Variants in TSHZ3 observed in about 807,000 individuals in gnomAD.
TSHZ3 encodes the protein teashirt homolog 3.
Under a neutral mutation model 64.5 loss-of-function variants are expected in TSHZ3, and 10 were observed. The ratio of observed to expected loss-of-function variants is 0.16; its 90% CI spans 0.10 to 0.26. TSHZ3 has a LOEUF of 0.26. TSHZ3 is among the 10% of genes least tolerant of loss of function. TSHZ3 has a pLI of 1.00. For synonymous variants in TSHZ3, 608 were observed against 593.1 expected, an observed-to-expected ratio of 1.03 and a Z score of -0.36; for missense variants, 1,242 against 1,421.7, an observed-to-expected ratio of 0.87 and a Z score of 2.03.
In TSHZ3 at chr19:31,234,462, T is replaced by C. The variant is rs917537597; in HGVS notation, n.551-6322A>G. ...AACATCTTTGTCTTATTCCCAGTCT[T>C]AGGGGGAAAGCATTCTGGCTTTAAC... On this transcript the variant is annotated intron_variant and non_coding_transcript_variant, in intron 3 of 6. Transcript: ENST00000651361. 2.0e-5 allele frequency among the ~76,000 whole-genome samples: 3 copies of C among 152,204 alleles called. No homozygotes were observed. In the East Asian group the frequency reaches 5.8e-4, roughly 29 times the overall value.
At chr19:31,235,448 CCTGT>C (rs942210866) in intron 3 of TSHZ3, among the ~76,000 whole-genome samples, 3 of 151,898 alleles carry the variant, frequency 2.0e-5, no homozygotes, top group African/African-American at 7.3e-5. Context: ...GCAGTATCTG[CCTGT>C]CTGTCTCTAC....
intron 5 of TSHZ3, among the ~76,000 whole-genome samples, chr19:31,187,465 A>G (rs1974829209): frequency 6.6e-6 from 1 of 151,598 alleles, no homozygotes; most frequent in Non-Finnish European, 1.5e-5. Flanking sequence ...TTTCTCTGTT[A>G]TGGTTTGCAG....
chr19:31,204,387 C>T (rs1180388662), intron 5 of TSHZ3, among the ~76,000 whole-genome samples: 2 of 151,536 alleles, frequency 1.3e-5, no homozygotes, highest in East Asian at 3.9e-4. Context: ...CCCTTCCCTT[C>T]CTTCCTTGGT....
Position 31,278,828 on chromosome 19 carries a change from T to G in TSHZ3, c.965A>C (p.Lys322Thr), listed in dbSNP as rs146913156. The G allele has an allele frequency of 3.7e-6, 6 of 1,614,066 alleles. No individual in the cohort carries two copies. Among genetic ancestry groups the G allele is most frequent in the Non-Finnish European group, 4.2e-6 (5 of 1,180,042 alleles). ...VAAKIIPATR[K>T]KASLELELPS... ...GAGCTCCAGCTCCAGGGAAGCTTTC[T>G]TCCGAGTGGCAGGGATGATTTTGGC... The change falls in exon 2 of 2, where the codon AAG becomes ACG. Residue 322 changes from lysine (K) to threonine (T), a missense_variant. Lys to Thr is a moderately conservative substitution (Grantham distance 78). Around this residue, in one of 4 missense-constraint regions of TSHZ3, gnomAD observed 555 missense variants for 704.0 expected, o/e 0.79. Coordinates refer to ENST00000240587, the MANE Select transcript of TSHZ3 (RefSeq NM_020856.4). This position sits in a 1 kb window ranked among gnomAD's most constrained non-coding sequence, Gnocchi z 4.7.
intron 1 of TSHZ3, among the ~76,000 whole-genome samples, chr19:31,256,265 T>A (rs1419978353): frequency 6.6e-6 from 1 of 152,134 alleles, no homozygotes; most frequent in African/African-American, 2.4e-5. Context: ...GTCTTCCCTG[T>A]CTAGTGAAGA....
intron 5 of TSHZ3, among the ~76,000 whole-genome samples, chr19:31,190,604 T>C (rs1432785771): frequency 6.6e-6 from 1 of 151,934 alleles, no homozygotes; most frequent in East Asian, 1.9e-4. Context: ...GCAAAATATA[T>C]TCTCAACTAT....
chr19:31,198,562 A>G (rs1006218820), intron 5 of TSHZ3, among the ~76,000 whole-genome samples: 2 of 152,188 alleles, frequency 1.3e-5, no homozygotes, highest in East Asian at 3.8e-4. Flanking sequence ...TCCTGATACT[A>G]ATAAATAATT....
In TSHZ3 at chr19:31,279,551, G is replaced by T. The variant is rs751946184; in HGVS notation, c.242C>A (p.Thr81Asn). 4.2e-5 allele frequency: 67 copies of T among 1,610,204 alleles called. No individual in the cohort carries two copies. Among genetic ancestry groups the T allele is most frequent in the Middle Eastern group, 3.3e-4 (2 of 6,066 alleles). ...TTCAAAGTCAGCCATTCGGTCACTG[G>T]TCTCACTGATGTGTGACTCGCTGTC... Reference protein sequence around the residue: ...EMDSESHISETSDRMADFESG... With the variant: ...EMDSESHISENSDRMADFESG... Residue 81 changes from threonine to asparagine, a missense_variant, in exon 2 of 2, where the codon ACC becomes AAC. Physicochemically the swap from Thr to Asn is moderately conservative, Grantham distance 65. Coordinates refer to ENST00000240587, the MANE Select transcript of TSHZ3 (RefSeq NM_020856.4). The surrounding 1 kb of genome is among the most constrained non-coding windows in gnomAD (Gnocchi z 6.4).
chr19:31,273,164 C>T (rs573346260), downstream of TSHZ3, among the ~76,000 whole-genome samples: 2 of 152,078 alleles, frequency 1.3e-5, no homozygotes, highest in Admixed American at 6.6e-5. Context: ...AGGGGGAGAC[C>T]GTAACAAACC....
downstream of TSHZ3, among the ~76,000 whole-genome samples, chr19:31,273,871 T>A (rs1976180824): frequency 6.6e-6 from 1 of 152,206 alleles, no homozygotes; most frequent in African/African-American, 2.4e-5. Flanking sequence ...CTTTCTTCCC[T>A]GCCTGGCCGT....
At chr19:31,170,458 T>TG (rs560977368) in intron 5 of TSHZ3, among the ~76,000 whole-genome samples, 72 of 152,214 alleles carry the variant, frequency 4.7e-4, no homozygotes, top group African/African-American at 1.6e-3. Flanking sequence ...TTTGGGGGTT[T>TG]GGGGGGACCT....
At chr19:31,339,093 C>T (rs1331872090) in intron 1 of TSHZ3, among the ~76,000 whole-genome samples, 8 of 152,122 alleles carry the variant, frequency 5.3e-5, no homozygotes, top group Middle Eastern at 6.8e-3. Context: ...TTCAATAACG[C>T]ACGTTTGAAT....
chr19:31,304,539 T>C (rs1309967221), intron 1 of TSHZ3, among the ~76,000 whole-genome samples: 3 of 152,214 alleles, frequency 2.0e-5, no homozygotes, highest in Non-Finnish European at 4.4e-5. Context: ...GTTTTTAAAA[T>C]ATCAAAACCT....
intron 6 of TSHZ3, among the ~76,000 whole-genome samples, chr19:31,155,765 C>G (rs1974299087): frequency 1.3e-5 from 2 of 152,174 alleles, no homozygotes; most frequent in Non-Finnish European, 2.9e-5. Context: ...TACCTGTTTC[C>G]ACCTGAGGTT....
At chr19:31,285,647 G>C (rs1976446463) in intron 1 of TSHZ3, among the ~76,000 whole-genome samples, 2 of 151,694 alleles carry the variant, frequency 1.3e-5, no homozygotes, top group South Asian at 4.2e-4. Flanking sequence ...AGCCAGGCAT[G>C]GTGGCGGGTA....
At chr19:31,311,659 T>C (rs1053042260) in intron 1 of TSHZ3, among the ~76,000 whole-genome samples, 1 of 152,174 alleles carries the variant, frequency 6.6e-6, no homozygotes, top group African/African-American at 2.4e-5. Flanking sequence ...GACTGGAAGA[T>C]GAGAATCCCG....
intron 1 of TSHZ3, among the ~76,000 whole-genome samples, chr19:31,263,021 C>A (rs1045600534): frequency 2.0e-5 from 3 of 152,168 alleles, no homozygotes; most frequent in Non-Finnish European, 4.4e-5. Flanking sequence ...CCCCCTTTGT[C>A]CATTCCTCAG....
intron 3 of TSHZ3, among the ~76,000 whole-genome samples, chr19:31,240,330 C>T (rs1224861595): frequency 6.6e-6 from 1 of 151,830 alleles, no homozygotes; most frequent in East Asian, 1.9e-4. Context: ...TGTATTTTGA[C>T]ACACATAAAA....
intron 3 of TSHZ3, among the ~76,000 whole-genome samples, chr19:31,237,398 A>C (rs1450329478): frequency 6.6e-6 from 1 of 152,164 alleles, no homozygotes; most frequent in East Asian, 1.9e-4. Context: ...AAATATGCAT[A>C]TATTTTAAAT....
Sources: gnomAD v4.1 joint callset for allele counts (sites outside exome capture counted in the v4.1 genomes callset) on GRCh38, gnomAD v4.1.1 for gene constraint, gnomAD v4.1.1 regional missense constraint, Gnocchi (gnomAD v3.1) non-coding constraint, MANE v1.5 for transcripts, NCBI Gene and HGNC (gene_info 2026-07-23, HGNC 2026-07-21) for gene names.